SPAG16: variants seen among roughly 807,000 people sequenced by gnomAD.
SPAG16 encodes sperm-associated antigen 16 protein.
SPAG16 carries 86 observed loss-of-function variants against 80.4 expected under a neutral mutation model. That is an observed-to-expected ratio of 1.07 (90% confidence interval 0.90 to 1.28). The LOEUF is 1.28. SPAG16 is among the 50% of genes most tolerant of loss of function. The pLI, the probability that SPAG16 is intolerant of heterozygous loss-of-function variation, is 0.00. For missense variants in SPAG16, 870 were observed against 765.3 expected, an observed-to-expected ratio of 1.14 and a Z score of -1.61; for synonymous variants, 294 against 265.9, an observed-to-expected ratio of 1.11 and a Z score of -1.03.
chr2:213,561,491 A>G (rs1325561577), intron 10 of SPAG16, among the ~76,000 whole-genome samples: 2 of 152,174 alleles, frequency 1.3e-5, no homozygotes, highest in South Asian at 2.1e-4. Flanking sequence ...CCTTGATATA[A>G]TCACTCATTG....
At chr2:214,353,074 C>CT in intron 15 of SPAG16, among the ~76,000 whole-genome samples, 1 of 152,072 alleles carries the variant, frequency 6.6e-6, no homozygotes, top group Non-Finnish European at 1.5e-5. Context: ...TTCTCTGGTT[C>CT]TTTTAATTAT....
At chr2:213,901,236 G>A (rs1420644898) in intron 11 of SPAG16, among the ~76,000 whole-genome samples, 1 of 152,170 alleles carries the variant, frequency 6.6e-6, no homozygotes, top group South Asian at 2.1e-4. Context: ...GAGGGCTTCA[G>A]TTTGGGCCTA....
chr2:214,030,818 C>A (rs1216568040), intron 13 of SPAG16, among the ~76,000 whole-genome samples: 3 of 152,192 alleles, frequency 2.0e-5, no homozygotes. Flanking sequence ...CAAGGGTTTT[C>A]ATCTGCATCT....
intron 15 of SPAG16, among the ~76,000 whole-genome samples, chr2:214,313,280 T>G (rs1695457259): frequency 6.6e-6 from 1 of 152,276 alleles, no homozygotes; most frequent in African/African-American, 2.4e-5. Flanking sequence ...ACTACTACTA[T>G]CTACCAAACT....
chr2:214,410,266 A>G lies in SPAG16; in HGVS notation c.1847A>G (p.Glu616Gly). The G allele has an allele frequency of 6.2e-7, 1 of 1,610,664 alleles. No homozygotes were observed. The highest frequency in any genetic ancestry group is 8.5e-7 in the Non-Finnish European group (1 of 1,177,140). Residue 616 changes from glutamate (E) to glycine (G), a missense_variant, in exon 16 of 16, where the codon GAG (glutamate) becomes GGG (glycine). Coordinates refer to ENST00000331683, the MANE Select transcript of SPAG16 (RefSeq NM_024532.5). ...ACGGTTGTGTTTTCTCACGACGGGG[A>G]GATTCTCTTTTCTGGAGGCTCTGAC... is the stretch of plus-strand genomic sequence containing the variant. ...AHTVVFSHDGEILFSGGSDGT... is the reference protein window; with the variant it reads ...AHTVVFSHDGGILFSGGSDGT...
chr2:214,319,104 A>T (rs867255587), intron 15 of SPAG16, among the ~76,000 whole-genome samples: 1 of 151,828 alleles, frequency 6.6e-6, no homozygotes, highest in South Asian at 2.1e-4. Context: ...CCTTCTCCCC[A>T]CTTATGCTTC....
chr2:214,345,379 G>A (rs1006157134), intron 15 of SPAG16, among the ~76,000 whole-genome samples: 2 of 152,056 alleles, frequency 1.3e-5, no homozygotes, highest in Non-Finnish European at 2.9e-5. Context: ...CTGTCTTAGT[G>A]ACAAACAATT....
intron 9 of SPAG16, among the ~76,000 whole-genome samples, chr2:213,386,856 A>G (rs774517269): frequency 1.3e-5 from 2 of 152,188 alleles, no homozygotes; most frequent in Non-Finnish European, 2.9e-5. Flanking sequence ...TAAATATTAC[A>G]ACATAATTTC....
rs1324525903 is a variant in SPAG16 at position 213,732,163 on chromosome 2, A to ACCCAC, written c.1071-130322_1071-130321insCCCAC. Among the ~76,000 whole-genome samples, 26 of 152,322 alleles carry ACCCAC rather than the reference A, an allele frequency of 1.7e-4. No individual in the cohort carries two copies. In the East Asian group the frequency reaches 3.3e-3, roughly 19 times the overall value. On this transcript the variant is annotated intron_variant, in intron 10 of 15. Transcript: ENST00000331683. ...GCCAGTTTTCCCAGCACCATTTATTAAATAGGGAATCCTTTTCCCATTGCT... is the reference window on the plus strand; with the variant it reads ...GCCAGTTTTCCCAGCACCATTTATTACCCACAATAGGGAATCCTTTTCCCATTGCT...
chr2:214,260,555 T>TCTTA (rs2125870258), intron 15 of SPAG16, among the ~76,000 whole-genome samples: 1 of 151,700 alleles, frequency 6.6e-6, no homozygotes, highest in Non-Finnish European at 1.5e-5. Context: ...ATTATTTCTT[T>TCTTA]GGTTATTTGT....
At chr2:214,162,177 T>C (rs1430370631) in intron 15 of SPAG16, among the ~76,000 whole-genome samples, 1 of 152,152 alleles carries the variant, frequency 6.6e-6, no homozygotes, top group Non-Finnish European at 1.5e-5. Context: ...CTTGCTTTCC[T>C]GGGCTCAGCC....
At chr2:214,214,089 TTTA>T (rs2125756714) in intron 15 of SPAG16, among the ~76,000 whole-genome samples, 1 of 152,304 alleles carries the variant, frequency 6.6e-6, no homozygotes, top group Admixed American at 6.5e-5. Flanking sequence ...TCAATATTTT[TTTA>T]TTCTATGGAA....
At chr2:213,313,705 A>G (rs534693888) in intron 4 of SPAG16, among the ~76,000 whole-genome samples, 3 of 151,988 alleles carry the variant, frequency 2.0e-5, no homozygotes, top group East Asian at 3.9e-4. Flanking sequence ...TTAGAATTCA[A>G]ATTTGTGCCT....
rs182002983 is a variant in SPAG16 at position 214,143,313 on chromosome 2, T to C, written c.1594-5827T>C. On this transcript the variant is annotated intron_variant, in intron 14 of 15. Transcript: ENST00000331683. ...AATGCTTGGAACCCTGAGTGACACA[T>C]AGTAATTACCCAATTAGTGTTAGCT... Among the ~76,000 whole-genome samples, 3 of 145,720 alleles carry C rather than the reference T, an allele frequency of 2.1e-5. No individual in the cohort carries two copies. The East Asian group carries it at 6.5e-4, about 32-fold the overall frequency.
chr2:213,720,963 G>A (rs2066507028), intron 10 of SPAG16, among the ~76,000 whole-genome samples: 1 of 151,916 alleles, frequency 6.6e-6, no homozygotes, highest in South Asian at 2.1e-4. Context: ...AGCCAGGATG[G>A]TCTCAATTTA....
intron 12 of SPAG16, among the ~76,000 whole-genome samples, chr2:213,968,035 C>A (rs906980293): frequency 6.6e-6 from 1 of 152,122 alleles, no homozygotes; most frequent in African/African-American, 2.4e-5. Context: ...ACACAGCTGC[C>A]GCAATTTGTT....
intron 10 of SPAG16, among the ~76,000 whole-genome samples, chr2:213,535,812 AT>A (rs1276475323): frequency 6.6e-6 from 1 of 151,842 alleles, no homozygotes; most frequent in Non-Finnish European, 1.5e-5. Context: ...CCTTGACCAC[AT>A]TTTTTTTCAT....
intron 15 of SPAG16, among the ~76,000 whole-genome samples, chr2:214,166,614 C>T (rs956963041): frequency 3.3e-5 from 5 of 152,140 alleles, no homozygotes; most frequent in African/African-American, 1.2e-4. Context: ...TATCTTTACC[C>T]CTTGGTAAAT....
At chr2:214,110,495 C>T (rs2053610384) in intron 14 of SPAG16, among the ~76,000 whole-genome samples, 1 of 152,130 alleles carries the variant, frequency 6.6e-6, no homozygotes, top group South Asian at 2.1e-4. Context: ...CATAGTATTC[C>T]ATGTTGTATA....
Sources: allele counts gnomAD v4.1 joint callset (sites outside exome capture counted in the v4.1 genomes callset), GRCh38; gene constraint gnomAD v4.1.1; transcripts MANE v1.5; gene names NCBI Gene and HGNC (gene_info 2026-07-23, HGNC 2026-07-21).